SNX29: variants seen among roughly 807,000 people sequenced by gnomAD.
SNX29 encodes sorting nexin 29.
Under a neutral mutation model 102.1 loss-of-function variants are expected in SNX29, and 78 were observed. The ratio of observed to expected loss-of-function variants is 0.76; its 90% confidence interval spans 0.64 to 0.92. The LOEUF is 0.92. Ranked by LOEUF, SNX29 falls within the 40% of genes least tolerant of loss-of-function variation. The pLI, the probability that SNX29 is intolerant of heterozygous loss-of-function variation, is 0.00. For missense variants in SNX29, 1,280 were observed against 1,061.7 expected (o/e 1.21, Z -2.86); for synonymous variants, 580 against 414.5 (o/e 1.40, Z -4.85).
chr16:12,570,339 C>CA lies in SNX29; in HGVS notation c.*1711dup. 2.8e-6 allele frequency: 2 copies of CA among 706,074 alleles called. No homozygotes were observed. The highest frequency in any genetic ancestry group is 3.6e-6 in the Non-Finnish European group (2 of 550,664). The allele number at this position is 706,074 out of a possible 1,614,324, so 43.7% of individuals were successfully genotyped here. A position where few individuals can be genotyped will look rare whatever the true frequency, so the allele number is the denominator to read the frequency against. ...TGTAAAGGCAACTTGGTCTCCCTCC[C>CA]ACTCACCTGCCAACATTGCTGCAAT... On this transcript the variant is annotated 3_prime_UTR_variant, in exon 21 of 21. Transcript: ENST00000566228.
At chr16:12,156,992 G>A (rs139115723) in intron 13 of SNX29, among the ~76,000 whole-genome samples, 1 of 152,306 alleles carries the variant, frequency 6.6e-6, no homozygotes, top group Admixed American at 6.5e-5. Flanking sequence ...TGTGTCAGGG[G>A]CTTGGATTTA....
chr16:12,539,570 A>C (rs1224330008), intron 20 of SNX29, among the ~76,000 whole-genome samples: 1 of 152,180 alleles, frequency 6.6e-6, no homozygotes, highest in Non-Finnish European at 1.5e-5. Flanking sequence ...TTTTTGTGTG[A>C]ACAAAAGTTT....
At chr16:12,561,496 C>T (rs183910420) in intron 20 of SNX29, among the ~76,000 whole-genome samples, 4 of 152,310 alleles carry the variant, frequency 2.6e-5, no homozygotes, top group South Asian at 4.2e-4. Flanking sequence ...TCGCCAGACC[C>T]AGATCACAGG....
chr16:12,089,913 G>A, intron 11 of SNX29: 3 of 299,218 alleles, frequency 1.0e-5, no homozygotes, highest in South Asian at 2.7e-5. Flanking sequence ...TCGGGGTAGG[G>A]AGTCCTGAGT....
intron 11 of SNX29, among the ~76,000 whole-genome samples, chr16:12,085,014 G>A (rs2052093875): frequency 6.6e-6 from 1 of 151,980 alleles, no homozygotes; most frequent in African/African-American, 2.4e-5. Flanking sequence ...AGGCTGCAGT[G>A]AGTTATGATT....
At chr16:11,992,236 G>T (rs1054789321) in intron 1 of SNX29, among the ~76,000 whole-genome samples, 3 of 152,122 alleles carry the variant, frequency 2.0e-5, no homozygotes, top group African/African-American at 7.2e-5. Flanking sequence ...GGAGGCTGCA[G>T]TGAGCTATGA....
intron 14 of SNX29, among the ~76,000 whole-genome samples, chr16:12,212,774 T>A (rs2077220888): frequency 6.6e-6 from 1 of 152,222 alleles, no homozygotes; most frequent in African/African-American, 2.4e-5. Flanking sequence ...AATACTTTCT[T>A]GAGTGGAGAA....
At chr16:12,253,940 G>A (rs1330464802) in intron 14 of SNX29, among the ~76,000 whole-genome samples, 1 of 152,080 alleles carries the variant, frequency 6.6e-6, no homozygotes, top group African/African-American at 2.4e-5. Flanking sequence ...GTAAGAAGTG[G>A]CCTGCCCCTG....
chr16:12,001,706 A>T (rs1259973889), intron 2 of SNX29, among the ~76,000 whole-genome samples: 1 of 152,146 alleles, frequency 6.6e-6, no homozygotes, highest in East Asian at 1.9e-4. Context: ...CATAGCAGAG[A>T]TACTATACCT....
chr16:12,361,859 C>G (rs1006911526), intron 16 of SNX29, among the ~76,000 whole-genome samples: 1 of 151,344 alleles, frequency 6.6e-6, no homozygotes, highest in Non-Finnish European at 1.5e-5. Flanking sequence ...TTTCTCTTAC[C>G]CCCTGATTTT....
intron 11 of SNX29, among the ~76,000 whole-genome samples, chr16:12,088,466 T>G (rs1260945985): frequency 6.6e-6 from 1 of 152,186 alleles, no homozygotes; most frequent in Non-Finnish European, 1.5e-5. Flanking sequence ...TCCCCAGCCC[T>G]CATTTATATG....
At chr16:12,326,713 G>T (rs927609246) in intron 15 of SNX29, among the ~76,000 whole-genome samples, 4 of 152,154 alleles carry the variant, frequency 2.6e-5, no homozygotes, top group Admixed American at 1.3e-4. Flanking sequence ...CTCCAATCCT[G>T]GACAAGTTTC....
chr16:12,262,669 C>T (rs1359026775), intron 14 of SNX29, among the ~76,000 whole-genome samples: 1 of 152,190 alleles, frequency 6.6e-6, no homozygotes, highest in African/African-American at 2.4e-5. Context: ...AGTACATAAA[C>T]CTGTGACAGT....
intron 19 of SNX29, among the ~76,000 whole-genome samples, chr16:12,514,222 A>G (rs2089761117): frequency 6.6e-6 from 1 of 152,216 alleles, no homozygotes; most frequent in South Asian, 2.1e-4. Flanking sequence ...GTCTCATAGA[A>G]GGAATAGCTG....
At chr16:12,225,075 C>T (rs138598139) in intron 14 of SNX29, among the ~76,000 whole-genome samples, 1 of 152,264 alleles carries the variant, frequency 6.6e-6, no homozygotes, top group East Asian at 1.9e-4. Context: ...ATCTGTTATT[C>T]TAACAAACAG....
chr16:12,353,307 C>T (rs958509732), intron 15 of SNX29, among the ~76,000 whole-genome samples: 1 of 152,160 alleles, frequency 6.6e-6, no homozygotes, highest in Admixed American at 6.5e-5. Context: ...CCCTGGACAC[C>T]TACTTGTCTG....
At position 12,572,395 on chromosome 16, in the gene SNX29, C is replaced by T; in HGVS notation, c.*3766C>T. 10 of 1,063,426 alleles carry T rather than the reference C, an allele frequency of 9.4e-6. No individual in the cohort carries two copies. Among genetic ancestry groups the T allele is most frequent in the East Asian group, 5.0e-5 (1 of 19,858 alleles). The allele number at this position is 1,063,426 out of a possible 1,614,324, so 65.9% of individuals were successfully genotyped here. On this transcript the variant is annotated 3_prime_UTR_variant, in exon 21 of 21. Transcript: ENST00000566228. ...TGGAGGCGGCTTATATCCCAACAGC[C>T]TGAGGCAGGGCTCTGTGGCCCAGGC...
chr16:12,547,191 G>C (rs1486107153), intron 20 of SNX29, among the ~76,000 whole-genome samples: 1 of 152,218 alleles, frequency 6.6e-6, no homozygotes, highest in South Asian at 2.1e-4. Context: ...AGATGACAGG[G>C]ATAGTTTGAC....
Position 12,397,568 on chromosome 16 carries a change from C to T in SNX29, c.1900-878C>T, listed in dbSNP as rs545608361. Among the ~76,000 whole-genome samples, 6 of 152,242 alleles carry T rather than the reference C, an allele frequency of 3.9e-5. No homozygotes were observed. The South Asian group carries it at 8.3e-4, about 21-fold the overall frequency. ...CACTACCCCTCACCCTTCTCTGTTC[C>T]ACTTGGTTTCTCATAGTCTTGATCC... On this transcript the variant is annotated intron_variant, in intron 16 of 20. Transcript: ENST00000566228.
Sources: gnomAD v4.1 joint callset for allele counts (sites outside exome capture counted in the v4.1 genomes callset) on GRCh38, gnomAD v4.1.1 for gene constraint, MANE v1.5 for transcripts, NCBI Gene and HGNC (gene_info 2026-07-23, HGNC 2026-07-21) for gene names.